CDC42BPA: variants seen among roughly 807,000 people sequenced by gnomAD.
CDC42BPA encodes serine/threonine-protein kinase MRCK alpha.
CDC42BPA carries 80 observed loss-of-function variants against 223.5 expected under a neutral mutation model. The observed-to-expected ratio is 0.36, with a 90% CI of 0.30 to 0.43. CDC42BPA has a LOEUF of 0.43. CDC42BPA is among the 20% of genes least tolerant of loss of function. The probability of loss-of-function intolerance (pLI) is 1.00; values close to 1 mark genes in which losing one functional copy is unlikely to be tolerated. For missense variants in CDC42BPA, 1,743 were observed against 2,099.9 expected (o/e 0.83, Z 3.32); for synonymous variants, 694 against 718.6 (o/e 0.97, Z 0.55).
At chr1:227,067,437 A>C (rs1416175012) in intron 21 of CDC42BPA, among the ~76,000 whole-genome samples, 1 of 152,220 alleles carries the variant, frequency 6.6e-6, no homozygotes, top group Non-Finnish European at 1.5e-5. Context: ...TTCTAGTGGA[A>C]AGAACAACCA....
chr1:227,252,132 C>G (rs904513784), intron 2 of CDC42BPA, among the ~76,000 whole-genome samples: 3 of 151,572 alleles, frequency 2.0e-5, no homozygotes, highest in Non-Finnish European at 2.9e-5. Context: ...AAAAGAATAG[C>G]AAGATAAAAC....
At chr1:227,097,714 AC>A (rs1244112944) in intron 15 of CDC42BPA, among the ~76,000 whole-genome samples, 2 of 152,178 alleles carry the variant, frequency 1.3e-5, no homozygotes, top group East Asian at 3.9e-4. Context: ...GTGGCATATG[AC>A]CTTCTTCTAG....
chr1:227,169,571 CAT>C (rs1185552061), intron 5 of CDC42BPA, among the ~76,000 whole-genome samples: 3 of 152,110 alleles, frequency 2.0e-5, no homozygotes, highest in African/African-American at 7.2e-5. Flanking sequence ...CTCTAACAAA[CAT>C]AGTTTCCCCA....
At chr1:227,144,404 G>A (rs977471748) in intron 8 of CDC42BPA, among the ~76,000 whole-genome samples, 3 of 151,690 alleles carry the variant, frequency 2.0e-5, no homozygotes, top group African/African-American at 7.3e-5. Context: ...GTGAAACCCC[G>A]TCTCTACTAA....
At chr1:227,204,245 A>G (rs755024089) in intron 3 of CDC42BPA, among the ~76,000 whole-genome samples, 2 of 152,196 alleles carry the variant, frequency 1.3e-5, no homozygotes, top group African/African-American at 2.4e-5. Flanking sequence ...TCATTTTAAT[A>G]TATATTTCAT....
rs749426936 is a variant in CDC42BPA at position 227,029,213 on chromosome 1, C to A, written c.3876G>T (p.Gln1292His). The change falls in exon 30 of 37, where the codon CAG (glutamine) becomes CAT (histidine). Residue 1292 changes from glutamine to histidine, a missense_variant. Gln to His is a conservative substitution (Grantham distance 24). Transcript: ENST00000366766. ...IRVGDNKKIH[Q>H]IELIPNDQLV... is the part of the protein sequence containing the mutation. ...GCTGATCATTTGGAATGAGTTCAAT[C>A]TGATGAATCTTCTTATTGTCACCAA... is the stretch of plus-strand genomic sequence containing the variant. The A allele has an allele frequency of 1.9e-6, 3 of 1,594,554 alleles. No individual in the cohort carries two copies. Among genetic ancestry groups the A allele is most frequent in the Non-Finnish European group, 8.5e-7 (1 of 1,175,620 alleles).
At chr1:227,199,979 T>C (rs926394736) in intron 3 of CDC42BPA, among the ~76,000 whole-genome samples, 3 of 152,182 alleles carry the variant, frequency 2.0e-5, no homozygotes, top group African/African-American at 7.2e-5. Flanking sequence ...CTGATCTTTT[T>C]AAAGAAATAA....
chr1:227,114,017 C>CAAAAAAAAAAAAAAAAAAAAAAA (rs374913161), intron 12 of CDC42BPA, among the ~76,000 whole-genome samples: 32 of 120,172 alleles, frequency 2.7e-4, no homozygotes, highest in African/African-American at 6.4e-4. Flanking sequence ...GACTCCAACT[C>CAAAAAAAAAAAAAAAAAAAAAAA]AAAAAAAAAG....
chr1:227,100,112 G>A (rs1558495973), intron 15 of CDC42BPA, among the ~76,000 whole-genome samples: 1 of 152,116 alleles, frequency 6.6e-6, no homozygotes, highest in Non-Finnish European at 1.5e-5. Flanking sequence ...AGAAAGCTGA[G>A]TATAACTGAT....
chr1:227,313,812 T>C (rs1223113317), intron 1 of CDC42BPA, among the ~76,000 whole-genome samples: 1 of 151,930 alleles, frequency 6.6e-6, no homozygotes, highest in African/African-American at 2.4e-5. Context: ...GCTTAAAGCA[T>C]AGTACCTGCT....
At chr1:227,014,305 T>C (rs1665790023) in intron 34 of CDC42BPA, among the ~76,000 whole-genome samples, 2 of 152,166 alleles carry the variant, frequency 1.3e-5, no homozygotes, top group Non-Finnish European at 2.9e-5. Flanking sequence ...TTTTGCACTT[T>C]TTAAATATTT....
intron 30 of CDC42BPA, among the ~76,000 whole-genome samples, chr1:227,027,700 C>T (rs1668525921): frequency 6.6e-6 from 1 of 152,234 alleles, no homozygotes; most frequent in South Asian, 2.1e-4. Flanking sequence ...TTTTCCACTG[C>T]ACCCCATGCT....
chr1:227,317,209 CT>C lies in CDC42BPA; in HGVS notation c.-28del. 3.8e-6 allele frequency: 6 copies of C among 1,587,902 alleles called. No individual in the cohort carries two copies. Among genetic ancestry groups the C allele is most frequent in the Non-Finnish European group, 5.1e-6 (6 of 1,168,384 alleles). On this transcript the variant is annotated 5_prime_UTR_variant, in exon 1 of 37. Coordinates refer to ENST00000366766, the MANE Select transcript of CDC42BPA (RefSeq NM_001394014.1). ...TTTGCTTCGATTTCTGCTGGTTTTC[CT>C]TTAAATTATTATGATGACTTTTACT...
At chr1:227,039,801 ACTGT>A (rs997423364) in intron 24 of CDC42BPA, among the ~76,000 whole-genome samples, 3 of 152,218 alleles carry the variant, frequency 2.0e-5, no homozygotes, top group Non-Finnish European at 4.4e-5. Context: ...AGGTTCCCAC[ACTGT>A]CTACTTTTTA....
At chr1:227,253,225 G>C (rs1291594610) in intron 2 of CDC42BPA, among the ~76,000 whole-genome samples, 1 of 138,680 alleles carries the variant, frequency 7.2e-6, no homozygotes, top group African/African-American at 2.6e-5. Context: ...GAGAGAGAGA[G>C]GAGGGAGAGA....
intron 35 of CDC42BPA, among the ~76,000 whole-genome samples, chr1:226,997,635 A>T (rs1411566144): frequency 6.6e-6 from 1 of 152,132 alleles, no homozygotes; most frequent in Non-Finnish European, 1.5e-5. Context: ...GTCTCAAGAG[A>T]TTCTGGTATG....
At chr1:227,082,998 G>A (rs1021974086) in intron 16 of CDC42BPA, among the ~76,000 whole-genome samples, 12 of 151,956 alleles carry the variant, frequency 7.9e-5, no homozygotes, top group East Asian at 5.8e-4. Flanking sequence ...GTTTCTGGCC[G>A]CTTTTCTAGG....
At chr1:227,004,171 G>C (rs1014628948) in intron 35 of CDC42BPA, 6 of 152,024 alleles carry the variant, frequency 3.9e-5, no homozygotes, top group Non-Finnish European at 7.4e-5. Flanking sequence ...GGCCCTAGCA[G>C]GAAGTCTGGG....
At chr1:227,048,626 T>C (rs1406142902) in intron 22 of CDC42BPA, among the ~76,000 whole-genome samples, 1 of 151,612 alleles carries the variant, frequency 6.6e-6, no homozygotes, top group Non-Finnish European at 1.5e-5. Context: ...TAGGTAGCTA[T>C]GTAAAATATG....
Sources: gnomAD v4.1 joint callset for allele counts (sites outside exome capture counted in the v4.1 genomes callset) on GRCh38, gnomAD v4.1.1 for gene constraint, MANE v1.5 for transcripts, NCBI Gene and HGNC (gene_info 2026-07-23, HGNC 2026-07-21) for gene names.